Variants in CACNA1H observed in about 807,000 individuals in gnomAD.
CACNA1H encodes calcium voltage-gated channel subunit alpha1 H, also known as voltage-dependent T-type calcium channel subunit alpha-1H.
A neutral mutation model predicts 192.5 loss-of-function variants in CACNA1H; 149 were observed. The ratio of observed to expected loss-of-function variants is 0.77; its 90% CI spans 0.68 to 0.89. The LOEUF is 0.89. Among genes scored for constraint, CACNA1H ranks in the 40% least tolerant of loss-of-function variants. The pLI is 0.00. For missense variants in CACNA1H, 4,257 were observed against 3,423.5 expected, an observed-to-expected ratio of 1.24 and a Z score of -6.08; for synonymous variants, 2,202 against 1,475.2, an observed-to-expected ratio of 1.49 and a Z score of -11.29.
In CACNA1H at chr16:1,199,002, G is replaced by A. The variant is rs1376123031; in HGVS notation, c.803+228G>A. 2.7e-5 allele frequency: 12 copies of A among 449,348 alleles called. 1 individual carries two copies. Among genetic ancestry groups the A allele is most frequent in the East Asian group, 7.1e-5 (2 of 28,310 alleles). The allele number at this position is 449,348 out of a possible 1,614,324, so 27.8% of individuals were successfully genotyped here. The stretch of plus-strand genomic sequence containing the variant: ...CACCGCCCCACATGGCTCCGCCCAC[G>A]GTGCAGTCGCTGCACATATGCCCCA... On this transcript the variant is annotated intron_variant, in intron 6 of 34. Transcript: ENST00000348261.
Position 1,199,489 on chromosome 16 carries a change from C to T in CACNA1H, c.803+715C>T, listed in dbSNP as rs1380367608. Among the ~76,000 whole-genome samples, 8 of 120,018 alleles carry T rather than the reference C, an allele frequency of 6.7e-5. 2 individuals carry two copies. Among genetic ancestry groups the T allele is most frequent in the East Asian group, 4.2e-4 (2 of 4,796 alleles). 78.7% of individuals were successfully genotyped at this position (120,018 alleles called of 152,430 possible). A position where few individuals can be genotyped will look rare whatever the true frequency, so the allele number is the denominator to read the frequency against. On this transcript the variant is annotated intron_variant, in intron 6 of 34. Coordinates refer to ENST00000348261, the MANE Select transcript of CACNA1H (RefSeq NM_021098.3). Reference sequence around the variant, plus strand: ...CCCCATCATGGCTCCACCCACCGTGCGGTCATTGCACATATGTCCCACCCC... The same window carrying T: ...CCCCATCATGGCTCCACCCACCGTGTGGTCATTGCACATATGTCCCACCCC...
At chr16:1,158,666 G>C (rs987611873) in intron 2 of CACNA1H, among the ~76,000 whole-genome samples, 6 of 152,186 alleles carry the variant, frequency 3.9e-5, no homozygotes, top group Non-Finnish European at 8.8e-5. Flanking sequence ...AGAGCAGGCC[G>C]GGCCCTGGCA....
intron 2 of CACNA1H, among the ~76,000 whole-genome samples, chr16:1,173,385 T>C (rs919164014): frequency 6.6e-6 from 1 of 152,186 alleles, no homozygotes; most frequent in African/African-American, 2.4e-5. Context: ...GAACAGCGGC[T>C]GCGCCTCCAG....
At chr16:1,206,444 G>A in intron 12 of CACNA1H, 155 bp downstream of exon 12, 3 of 683,224 alleles carry the variant, frequency 4.4e-6, no homozygotes, top group South Asian at 1.9e-5. Flanking sequence ...CATTTGAGAA[G>A]CACTGATTGG....
chr16:1,206,685 C>T lies in CACNA1H; in HGVS notation c.2790-316C>T, dbSNP rs1037231812. ...GGCAGCCAGGCAGGCCGGGCTTTCA[C>T]AGTCCAGAGAGGCTGAATGAGGCAG... is the stretch of plus-strand genomic sequence containing the variant. On this transcript the variant is annotated intron_variant, in intron 12 of 34. Transcript: ENST00000348261. 3.0e-5 allele frequency: 13 copies of T among 439,180 alleles called. No homozygotes were observed. The Admixed American group carries it at 3.0e-4, about 10-fold the overall frequency. 27.2% of individuals were successfully genotyped at this position (439,180 alleles called of 1,614,324 possible).
intron 2 of CACNA1H, 98 bp downstream of exon 2, chr16:1,154,134 C>G: frequency 1.0e-6 from 1 of 986,954 alleles, no homozygotes; most frequent in Non-Finnish European, 1.3e-6. Flanking sequence ...CCGCGCGCCC[C>G]TGTTGGTGGG....
intron 6 of CACNA1H, 47 bp from the exon 7 acceptor site, chr16:1,200,209 C>A: frequency 6.7e-7 from 1 of 1,498,304 alleles, no homozygotes; most frequent in Non-Finnish European, 9.1e-7. Flanking sequence ...CTCTGACCGT[C>A]CCTGACCCTG....
chr16:1,192,475 C>T (rs1034884378), intron 2 of CACNA1H, among the ~76,000 whole-genome samples: 3 of 152,244 alleles, frequency 2.0e-5, no homozygotes, highest in African/African-American at 4.8e-5. Context: ...CTGGCCCCTT[C>T]CCTTCTGTCC....
chr16:1,217,125 C>G, intron 31 of CACNA1H, 115 bp downstream of exon 31: 1 of 858,096 alleles, frequency 1.2e-6, no homozygotes, highest in Non-Finnish European at 1.8e-6. Context: ...CTGATCAGGG[C>G]CACACGCCTC....
Position 1,200,246 on chromosome 16 carries a change from C to A in CACNA1H, c.804-10C>A. The A allele has an allele frequency of 1.9e-6, 3 of 1,587,898 alleles. No individual in the cohort carries two copies. Among genetic ancestry groups the A allele is most frequent in the Non-Finnish European group, 2.6e-6 (3 of 1,166,174 alleles). The stretch of plus-strand genomic sequence containing the variant: ...TTGTACCTTTTGGCCCTGGCTGTGC[C>A]CATCCCCAGGAACAACAACCTGACC... On this transcript the variant is annotated splice_polypyrimidine_tract_variant and intron_variant, in intron 6 of 34. Transcript: ENST00000348261.
At chr16:1,165,660 C>T (rs1963689111) in intron 2 of CACNA1H, among the ~76,000 whole-genome samples, 2 of 152,198 alleles carry the variant, frequency 1.3e-5, no homozygotes, top group Non-Finnish European at 2.9e-5. Flanking sequence ...GAGGCCATTG[C>T]CAGGTGGCTG....
intron 11 of CACNA1H, 88 bp from the exon 12 acceptor site, chr16:1,206,016 C>T (rs117673391): frequency 1.5e-6 from 2 of 1,306,000 alleles, no homozygotes; most frequent in Non-Finnish European, 2.1e-6. Flanking sequence ...CGCTGTGGCT[C>T]CCTGGCTGGT....
intron 2 of CACNA1H, among the ~76,000 whole-genome samples, chr16:1,179,791 G>A (rs1162142342): frequency 2.3e-5 from 3 of 130,940 alleles, no homozygotes; most frequent in Non-Finnish European, 4.8e-5. Flanking sequence ...TTGGAGTGCA[G>A]TGGCGTGATC....
At position 1,202,260 on chromosome 16, in the gene CACNA1H, C is replaced by T; in HGVS notation, c.1810C>T (p.Leu604=). The T allele has an allele frequency of 5.7e-6, 9 of 1,573,672 alleles. No homozygotes were observed. The highest frequency in any genetic ancestry group is 7.7e-6 in the Non-Finnish European group (9 of 1,161,762). ...AAATAAASLR[L]ATGLGTMNYP... ...AGCCACTGCCGCTGCCAGCCTCAGA[C>T]TGGCCACAGGGCTGGGCACCATGAA... Residue 604 remains leucine, a synonymous_variant, in exon 9 of 35, where the codon CTG becomes TTG. Transcript: ENST00000348261.
Position 1,198,678 on chromosome 16 carries a change from T to C in CACNA1H, c.707T>C (p.Leu236Pro). ...CCCATGCTCGGGAACGTCCTTCTGC[T>C]GTGCTTCTTCGTCTTCTTCATTTTC... Reference protein sequence around the residue: ...TLPMLGNVLLLCFFVFFIFGI... With the variant: ...TLPMLGNVLLPCFFVFFIFGI... Residue 236 changes from leucine (L) to proline (P), a missense_variant, in exon 6 of 35, where the codon CTG (leucine) becomes CCG (proline). Physicochemically the swap from Leu to Pro is moderately conservative, Grantham distance 98. Coordinates refer to ENST00000348261, the MANE Select transcript of CACNA1H (RefSeq NM_021098.3). 1.2e-6 allele frequency: 2 copies of C among 1,613,548 alleles called. No homozygotes were observed. The highest frequency in any genetic ancestry group is 1.7e-6 in the Non-Finnish European group (2 of 1,179,650).
Position 1,206,207 on chromosome 16 carries a change from C to T in CACNA1H, c.2707C>T (p.Arg903Cys), listed in dbSNP as rs758601422. The T allele has an allele frequency of 6.9e-6, 11 of 1,593,642 alleles. No homozygotes were observed. Among genetic ancestry groups the T allele is most frequent in the South Asian group, 1.1e-5 (1 of 87,218 alleles). ...GGTGCGCTTTCTGCCAGCCCTGCGG[C>T]GCCAGCTCGTGGTGCTGGTGAAGAC... ...KLVRFLPALRRQLVVLVKTMD... is the reference protein window; with the variant it reads ...KLVRFLPALRCQLVVLVKTMD... The change falls in exon 12 of 35, where the codon CGC becomes TGC. Residue 903 changes from arginine (R) to cysteine (C), a missense_variant. Transcript: ENST00000348261.
intron 2 of CACNA1H, among the ~76,000 whole-genome samples, chr16:1,192,522 C>T (rs117363178): frequency 0.013 from 1,922 of 152,336 alleles, 16 homozygotes; most frequent in Non-Finnish European, 0.019. Flanking sequence ...GGGCCGGGTC[C>T]AGAAGTCAGC....
chr16:1,196,649 A>G (rs1352315807), intron 5 of CACNA1H, among the ~76,000 whole-genome samples: 2 of 152,182 alleles, frequency 1.3e-5, no homozygotes, highest in African/African-American at 4.8e-5. Context: ...GAAATCCTTC[A>G]GGATTTGGCC....
intron 27 of CACNA1H, 58 bp from the exon 28 acceptor site, chr16:1,214,914 C>A: frequency 7.5e-7 from 1 of 1,328,164 alleles, no homozygotes; most frequent in Non-Finnish European, 1.1e-6. Context: ...GAGTGGGAGC[C>A]AGGGGGAAGA....
Sources: allele counts gnomAD v4.1 joint callset (sites outside exome capture counted in the v4.1 genomes callset), GRCh38; gene constraint gnomAD v4.1.1; transcripts MANE v1.5; gene names NCBI Gene and HGNC (gene_info 2026-07-23, HGNC 2026-07-21).